Variants in EHMT1 observed in about 807,000 individuals in gnomAD.
EHMT1 encodes euchromatic histone lysine methyltransferase 1.
A neutral mutation model predicts 147.2 loss-of-function variants in EHMT1; 15 were observed. The ratio of observed to expected loss-of-function variants is 0.10; its 90% CI spans 0.07 to 0.16. The LOEUF is 0.16. Ranked by LOEUF, EHMT1 falls within the 10% of genes least tolerant of loss-of-function variation. EHMT1 has a pLI of 1.00. For synonymous variants in EHMT1, 795 were observed against 709.6 expected (o/e 1.12, Z -1.91); for missense variants, 1,587 against 1,772.4 (o/e 0.90, Z 1.88).
At chr9:137,785,848 A>C (rs1482696839) in intron 15 of EHMT1, 1 of 152,234 alleles carries the variant, frequency 6.6e-6, no homozygotes, top group Non-Finnish European at 1.5e-5. Flanking sequence ...CCCCGGGAAC[A>C]GCAGCCGTTT....
At chr9:137,824,694 T>C (rs941024259) in intron 25 of EHMT1, among the ~76,000 whole-genome samples, 1 of 152,188 alleles carries the variant, frequency 6.6e-6, no homozygotes, top group Non-Finnish European at 1.5e-5. Context: ...AGTATGTAGA[T>C]CTTACACTGT....
chr9:137,621,255 G>A (rs547223048), intron 1 of EHMT1, among the ~76,000 whole-genome samples: 1 of 152,330 alleles, frequency 6.6e-6, no homozygotes, highest in South Asian at 2.1e-4. Flanking sequence ...GTAGGCATGT[G>A]ATCACTGTTG....
chr9:137,800,431 T>G, intron 17 of EHMT1: 2 of 223,832 alleles, frequency 8.9e-6, no homozygotes, highest in Non-Finnish European at 1.8e-5. Context: ...GGAGCCACCA[T>G]TGGAGGCTGA....
intron 6 of EHMT1, among the ~76,000 whole-genome samples, chr9:137,751,636 C>T (rs1948976743): frequency 6.6e-6 from 1 of 152,152 alleles, no homozygotes; most frequent in Non-Finnish European, 1.5e-5. Context: ...ATTGCCTGTG[C>T]TTATAGAAAA....
At chr9:137,658,761 T>C (rs938887399) in intron 1 of EHMT1, among the ~76,000 whole-genome samples, 2 of 152,070 alleles carry the variant, frequency 1.3e-5, no homozygotes, top group Admixed American at 1.3e-4. Flanking sequence ...TACAGGTGCA[T>C]ACCACCATAC....
chr9:137,706,081 C>T (rs1311698927), intron 1 of EHMT1, among the ~76,000 whole-genome samples: 1 of 124,380 alleles, frequency 8.0e-6, no homozygotes, highest in Non-Finnish European at 1.7e-5. Context: ...AGGGGTGGGG[C>T]ATCAGGGGCG....
At chr9:137,654,564 C>T (rs1014352263) in intron 1 of EHMT1, among the ~76,000 whole-genome samples, 8 of 152,002 alleles carry the variant, frequency 5.3e-5, no homozygotes, top group Admixed American at 1.3e-4. Flanking sequence ...CAAGTTTGTT[C>T]TTCTTTTTCC....
intron 1 of EHMT1, among the ~76,000 whole-genome samples, chr9:137,631,426 T>C (rs540816937): frequency 6.6e-6 from 1 of 151,860 alleles, no homozygotes; most frequent in Admixed American, 6.6e-5. Flanking sequence ...AAAATAAAAT[T>C]GAAAAAGTAC....
intron 4 of EHMT1, among the ~76,000 whole-genome samples, chr9:137,739,713 C>T (rs747616526): frequency 1.3e-5 from 2 of 152,242 alleles, no homozygotes; most frequent in South Asian, 4.1e-4. Context: ...GCTTCCCTTG[C>T]GCTTTTTTGC....
chr9:137,696,625 C>T (rs1434202426), intron 1 of EHMT1, among the ~76,000 whole-genome samples: 1 of 152,176 alleles, frequency 6.6e-6, no homozygotes, highest in Non-Finnish European at 1.5e-5. Context: ...TTCTAATAGT[C>T]TCCCCCAGGT....
chr9:137,674,158 G>A (rs1940987716), intron 1 of EHMT1, among the ~76,000 whole-genome samples: 1 of 152,186 alleles, frequency 6.6e-6, no homozygotes, highest in Non-Finnish European at 1.5e-5. Flanking sequence ...AGCGCAGTGA[G>A]CTTAGAAAAC....
At chr9:137,696,021 G>T (rs1206697394) in intron 1 of EHMT1, among the ~76,000 whole-genome samples, 1 of 152,230 alleles carries the variant, frequency 6.6e-6, no homozygotes, top group Non-Finnish European at 1.5e-5. Flanking sequence ...GCAGCAGATG[G>T]AAAGGGAATC....
Position 137,678,140 on chromosome 9 carries a change from A to G in EHMT1, c.22-32827A>G, listed in dbSNP as rs115434684. ...TTAGTGGAAAAATAGATTAAAAACT[A>G]GTATATAATCCACTAATATAAAAAA... On this transcript the variant is annotated intron_variant, in intron 1 of 26. Transcript: ENST00000460843. Among the ~76,000 whole-genome samples the G allele has an allele frequency of 1.8e-3, 281 of 152,344 alleles. 2 individuals carry two copies. Among genetic ancestry groups the G allele is most frequent in the African/African-American group, 6.2e-3 (259 of 41,570 alleles).
In EHMT1 at chr9:137,682,237, C is replaced by G. The variant is rs111329809; in HGVS notation, c.22-28730C>G. Among the ~76,000 whole-genome samples, 147 of 152,214 alleles carry G rather than the reference C, an allele frequency of 9.7e-4. 1 individual carries two copies. The highest frequency in any genetic ancestry group is 5.2e-3 in the South Asian group (25 of 4,822). On this transcript the variant is annotated intron_variant, in intron 1 of 26. Coordinates refer to ENST00000460843, the MANE Select transcript of EHMT1 (RefSeq NM_024757.5). ...TGCTGGGATTACAAGCGTGAGCCAC[C>G]GTGTCCGGCCAAAATCGTCCTCTTT... is the stretch of plus-strand genomic sequence containing the variant.
At chr9:137,722,243 C>T (rs1308066763) in intron 3 of EHMT1, among the ~76,000 whole-genome samples, 2 of 151,990 alleles carry the variant, frequency 1.3e-5, no homozygotes, top group African/African-American at 2.4e-5. Flanking sequence ...TATTACATTC[C>T]TTTAGGGAAA....
rs1487678197 is a variant in EHMT1 at position 137,784,129 on chromosome 9, G to A, written c.2382+1732G>A. 5.2e-6 allele frequency: 8 copies of A among 1,534,838 alleles called. No homozygotes were observed. In the South Asian group the frequency reaches 9.6e-5, roughly 18 times the overall value. On this transcript the variant is annotated intron_variant, in intron 15 of 26. Transcript: ENST00000460843. ...AGTTCTGCAGGCTGGGAAGCCCAAG[G>A]TCGAGGGGCTGCCTTTGGTGACTTA...
At chr9:137,816,096 C>A in intron 23 of EHMT1, 34 bp downstream of exon 23, 1 of 1,577,480 alleles carries the variant, frequency 6.3e-7, no homozygotes, top group African/African-American at 1.4e-5. Context: ...GCCCCACATT[C>A]TGCTCGTATT....
chr9:137,636,866 T>A (rs978432646), intron 1 of EHMT1, among the ~76,000 whole-genome samples: 17 of 151,712 alleles, frequency 1.1e-4, no homozygotes, highest in African/African-American at 2.4e-4. Flanking sequence ...TTAAAAAAAA[T>A]TTATTATTTT....
intron 25 of EHMT1, among the ~76,000 whole-genome samples, chr9:137,820,435 G>A (rs1322084841): frequency 3.9e-5 from 6 of 152,198 alleles, no homozygotes; most frequent in African/African-American, 7.2e-5. Flanking sequence ...CACAGATGTC[G>A]CCTTCTCTCT....
Sources: gnomAD v4.1 joint callset for allele counts (sites outside exome capture counted in the v4.1 genomes callset) on GRCh38, gnomAD v4.1.1 for gene constraint, MANE v1.5 for transcripts, NCBI Gene and HGNC (gene_info 2026-07-23, HGNC 2026-07-21) for gene names.